TECTA: variants seen among roughly 807,000 people sequenced by gnomAD.
TECTA encodes alpha-tectorin.
In TECTA, 128 loss-of-function variants were observed where a neutral mutation model predicts 216.8. That is an observed-to-expected ratio of 0.59 (90% CI 0.51 to 0.68). The LOEUF is 0.68. Ranked by LOEUF, TECTA falls within the 30% of genes least tolerant of loss-of-function variation. TECTA has a pLI of 0.00. For synonymous variants in TECTA, 1,089 were observed against 1,117.1 expected (o/e 0.97, Z 0.50); for missense variants, 2,551 against 2,786.2 (o/e 0.92, Z 1.90).
Position 121,162,323 on chromosome 11 carries a change from G to C in TECTA, c.5225G>C (p.Arg1742Pro), listed in dbSNP as rs549133840. The change falls in exon 16 of 24, where the codon CGC becomes CCC. Residue 1742 changes from arginine (R) to proline (P), a missense_variant. By Grantham distance (103) the Arg-to-Pro change is moderately radical. Around this residue, in one of 3 missense-constraint regions of TECTA, gnomAD observed 2,375 missense variants for 2,563.9 expected, o/e 0.93. Coordinates refer to ENST00000392793, the MANE Select transcript of TECTA (RefSeq NM_005422.4). ...GSLAAYGEAC[R>P]SFGILSTEWI... ...CTGGCCGCCTACGGGGAGGCCTGCC[G>C]CTCCTTCGGGATCCTTAGCACCGAG... 2 of 1,613,510 alleles carry C rather than the reference G, an allele frequency of 1.2e-6. No homozygotes were observed. Among genetic ancestry groups the C allele is most frequent in the Non-Finnish European group, 1.7e-6 (2 of 1,180,054 alleles).
intron 13 of TECTA, among the ~76,000 whole-genome samples, chr11:121,154,113 C>T (rs1238395761): frequency 6.6e-6 from 1 of 152,128 alleles, no homozygotes; most frequent in African/African-American, 2.4e-5. Flanking sequence ...TAATACCCTA[C>T]AGAACTAATC....
chr11:121,175,680 C>A (rs184425423), intron 20 of TECTA, among the ~76,000 whole-genome samples: 2 of 152,056 alleles, frequency 1.3e-5, no homozygotes, highest in Admixed American at 6.6e-5. Context: ...TGATTTGGGG[C>A]GGAGAGTTCT....
intron 10 of TECTA, among the ~76,000 whole-genome samples, chr11:121,135,093 C>G (rs1946713130): frequency 6.6e-6 from 1 of 152,184 alleles, no homozygotes; most frequent in Non-Finnish European, 1.5e-5. Flanking sequence ...GCGAGTAGCA[C>G]TGGATAGCAC....
intron 12 of TECTA, among the ~76,000 whole-genome samples, chr11:121,151,221 A>T (rs1238280655): frequency 6.6e-6 from 1 of 152,238 alleles, no homozygotes; most frequent in Non-Finnish European, 1.5e-5. Flanking sequence ...TAGCGCAGGT[A>T]GGAAGACAAA....
chr11:121,110,720 G>A (rs543254129), intron 4 of TECTA: 1 of 152,298 alleles, frequency 6.6e-6, no homozygotes, highest in Admixed American at 6.5e-5. Flanking sequence ...AGTGTCATGG[G>A]GTTGGGGGAA....
intron 11 of TECTA, among the ~76,000 whole-genome samples, chr11:121,140,602 A>T (rs1405945442): frequency 1.3e-5 from 2 of 152,206 alleles, no homozygotes; most frequent in Admixed American, 6.5e-5. Flanking sequence ...GTGTAAGTCC[A>T]AAGTCAAGGT....
intron 12 of TECTA, among the ~76,000 whole-genome samples, chr11:121,146,432 G>A (rs1019656331): frequency 6.6e-6 from 1 of 152,208 alleles, no homozygotes; most frequent in Non-Finnish European, 1.5e-5. Flanking sequence ...ATGCTAACGA[G>A]ATTAATGAAA....
At chr11:121,148,740 A>C (rs1946863589) in intron 12 of TECTA, among the ~76,000 whole-genome samples, 1 of 152,194 alleles carries the variant, frequency 6.6e-6, no homozygotes, top group African/African-American at 2.4e-5. Context: ...AACAAGGTAG[A>C]ATGCTGGTGT....
intron 3 of TECTA, among the ~76,000 whole-genome samples, chr11:121,108,561 TACAC>T (rs151017407): frequency 3.1e-4 from 40 of 130,758 alleles, no homozygotes; most frequent in African/African-American, 6.8e-4. Flanking sequence ...CCACCCCCAG[TACAC>T]ACACACACAC....
At chr11:121,133,839 A>G (rs1946698767) in intron 10 of TECTA, among the ~76,000 whole-genome samples, 1 of 152,198 alleles carries the variant, frequency 6.6e-6, no homozygotes, top group African/African-American at 2.4e-5. Context: ...TCTGCTGCAG[A>G]GTCACTGTGA....
intron 20 of TECTA, among the ~76,000 whole-genome samples, chr11:121,184,825 T>C (rs1392181408): frequency 6.6e-6 from 1 of 152,188 alleles, no homozygotes; most frequent in African/African-American, 2.4e-5. Flanking sequence ...TGAATTGATG[T>C]TTATCCTCCT....
intron 20 of TECTA, among the ~76,000 whole-genome samples, chr11:121,174,270 G>A (rs1006026150): frequency 4.6e-5 from 7 of 151,450 alleles, no homozygotes; most frequent in African/African-American, 9.7e-5. Context: ...TCTTGTGCCC[G>A]TTTTCAAAGG....
chr11:121,101,938 T>C (rs948622126), intron 1 of TECTA, among the ~76,000 whole-genome samples: 1 of 152,208 alleles, frequency 6.6e-6, no homozygotes, highest in African/African-American at 2.4e-5. Context: ...AACAAGTTTC[T>C]CTTTGCTGTG....
intron 1 of TECTA, among the ~76,000 whole-genome samples, chr11:121,101,692 C>T (rs1591433107): frequency 6.6e-6 from 1 of 152,174 alleles, no homozygotes. Context: ...AAATTCATTG[C>T]CTTTCCCGTG....
chr11:121,177,292 C>G, intron 20 of TECTA, among the ~76,000 whole-genome samples: 1 of 152,140 alleles, frequency 6.6e-6, no homozygotes, highest in Non-Finnish European at 1.5e-5. Flanking sequence ...TGTTTTTTCC[C>G]CATCTTTGTG....
At chr11:121,115,479 G>A (rs1324954612) in intron 6 of TECTA, among the ~76,000 whole-genome samples, 1 of 152,168 alleles carries the variant, frequency 6.6e-6, no homozygotes, top group Non-Finnish European at 1.5e-5. Flanking sequence ...AGGGTACTGT[G>A]GAAACACAGA....
chr11:121,148,257 C>T (rs1268618779), intron 12 of TECTA, among the ~76,000 whole-genome samples: 1 of 152,150 alleles, frequency 6.6e-6, no homozygotes, highest in East Asian at 1.9e-4. Flanking sequence ...TACGCCAGGG[C>T]CAACAGGTAA....
chr11:121,160,764 G>C (rs969249131), intron 15 of TECTA, among the ~76,000 whole-genome samples: 6 of 152,210 alleles, frequency 3.9e-5, no homozygotes, highest in Non-Finnish European at 2.9e-5. Flanking sequence ...GAATTAAGAG[G>C]TGACTGAGAA....
rs754647079 is a variant in TECTA at position 121,190,667 on chromosome 11, TC to T, written c.6368-33del. ...CTGATCCCTATCAAACAGGTATTTT[TC>T]CCCCCATAGGGCTTACTGTGTTCCT... On this transcript the variant is annotated intron_variant, in intron 23 of 23. Coordinates refer to ENST00000392793, the MANE Select transcript of TECTA (RefSeq NM_005422.4). 1.6e-5 allele frequency: 23 copies of T among 1,475,276 alleles called. No homozygotes were observed. The African/African-American group carries it at 1.7e-4, about 11-fold the overall frequency. The allele number at this position is 1,475,276 out of a possible 1,614,324, so 91.4% of individuals were successfully genotyped here.
Sources: allele counts gnomAD v4.1 joint callset (sites outside exome capture counted in the v4.1 genomes callset), GRCh38; gene constraint gnomAD v4.1.1; regional missense constraint gnomAD v4.1.1; transcripts MANE v1.5; gene names NCBI Gene and HGNC (gene_info 2026-07-23, HGNC 2026-07-21).